The following NEGR1 variants were observed in gnomAD, a reference collection of about 807,000 sequenced individuals.
NEGR1 encodes the protein neuronal growth regulator 1.
In NEGR1, 10 loss-of-function variants were observed where a neutral mutation model predicts 40.9. The observed-to-expected ratio is 0.24, with a 90% CI of 0.15 to 0.42. The LOEUF (loss-of-function observed/expected upper bound fraction) is 0.42, where lower values mean the gene tolerates loss of function less well. NEGR1 is among the 10% of genes least tolerant of loss of function. NEGR1 has a pLI of 1.00. For synonymous variants in NEGR1, 185 were observed against 166.8 expected (o/e 1.11, Z -0.84); for missense variants, 352 against 438.9 (o/e 0.80, Z 1.77).
At chr1:71,915,907 T>G (rs552129950) in intron 2 of NEGR1, among the ~76,000 whole-genome samples, 1 of 152,140 alleles carries the variant, frequency 6.6e-6, no homozygotes, top group East Asian at 1.9e-4. Flanking sequence ...CAGACTATGA[T>G]AGGACCGCCA....
At chr1:71,498,822 G>A (rs1646981755) in intron 6 of NEGR1, among the ~76,000 whole-genome samples, 1 of 152,136 alleles carries the variant, frequency 6.6e-6, no homozygotes, top group Admixed American at 6.5e-5. Context: ...AGACCTGGAG[G>A]TCACTACTTC....
chr1:71,733,056 T>C (rs1020865171), intron 3 of NEGR1, among the ~76,000 whole-genome samples: 3 of 150,360 alleles, frequency 2.0e-5, no homozygotes, highest in African/African-American at 7.4e-5. Context: ...AAGTCAAATA[T>C]GGTCACAGGA....
chr1:71,816,722 T>C (rs1302667004), intron 2 of NEGR1, among the ~76,000 whole-genome samples: 1 of 151,988 alleles, frequency 6.6e-6, no homozygotes, highest in African/African-American at 2.4e-5. Flanking sequence ...AGTAGGAAAT[T>C]GCTCCTGTTC....
intron 2 of NEGR1, among the ~76,000 whole-genome samples, chr1:71,853,547 C>T (rs573781885): frequency 6.6e-6 from 1 of 152,100 alleles, no homozygotes; most frequent in African/African-American, 2.4e-5. Flanking sequence ...AGCTATGTAG[C>T]ACACTAGGGA....
At chr1:71,830,979 C>A (rs548935494) in intron 2 of NEGR1, among the ~76,000 whole-genome samples, 51 of 151,922 alleles carry the variant, frequency 3.4e-4, no homozygotes, top group Middle Eastern at 6.8e-3. Context: ...GATAGGAATT[C>A]TTGGAATATG....
At chr1:71,541,626 G>T (rs1375101962) in intron 6 of NEGR1, among the ~76,000 whole-genome samples, 1 of 151,712 alleles carries the variant, frequency 6.6e-6, no homozygotes, top group African/African-American at 2.4e-5. Flanking sequence ...AAGCCAGGTG[G>T]GTAAGGACAG....
chr1:71,702,726 T>TAAAA (rs5775082), intron 3 of NEGR1, among the ~76,000 whole-genome samples: 4 of 141,846 alleles, frequency 2.8e-5, no homozygotes, highest in South Asian at 2.2e-4. Flanking sequence ...AAAACTTATT[T>TAAAA]AAAAAAAAAA....
chr1:71,511,995 C>T lies in NEGR1; in HGVS notation c.940+80822G>A, dbSNP rs191933104. On this transcript the variant is annotated intron_variant, in intron 6 of 6. Transcript: ENST00000357731. ...AAAACTTAGGCAGATTTGTTAGAAA[C>T]GTGTAAACAGTTAGATATACTGAAA... Among the ~76,000 whole-genome samples the T allele has an allele frequency of 1.9e-4, 29 of 152,078 alleles. No individual in the cohort carries two copies. In the East Asian group the frequency reaches 1.9e-3, roughly 10 times the overall value.
intron 2 of NEGR1, among the ~76,000 whole-genome samples, chr1:71,849,602 T>G (rs1659536346): frequency 6.6e-6 from 1 of 152,188 alleles, no homozygotes. Context: ...AAACAATTTA[T>G]ATTGGCAAAA....
chr1:72,133,149 T>A (rs888580108), intron 1 of NEGR1, among the ~76,000 whole-genome samples: 4 of 152,112 alleles, frequency 2.6e-5, no homozygotes, highest in African/African-American at 9.6e-5. Context: ...TGTAAATCAA[T>A]CCATATCTGC....
At position 71,988,396 on chromosome 1, in the gene NEGR1, G is replaced by A. The variant is rs528110468; in HGVS notation, c.177-53085C>T. On this transcript the variant is annotated intron_variant, in intron 1 of 6. Transcript: ENST00000357731. The stretch of plus-strand genomic sequence containing the variant: ...CTACTAAAAATACAAAAAATTAGCC[G>A]GGCGCGGTGGCGGGCGCCTGTAGTC... Among the ~76,000 whole-genome samples the A allele has an allele frequency of 2.0e-4, 30 of 151,746 alleles. No individual in the cohort carries two copies. In the East Asian group the frequency reaches 2.7e-3, roughly 14 times the overall value.
intron 4 of NEGR1, among the ~76,000 whole-genome samples, chr1:71,691,742 CCTT>C (rs1406853103): frequency 6.6e-6 from 1 of 151,714 alleles, no homozygotes; most frequent in African/African-American, 2.4e-5. Context: ...CAATGCTTAA[CCTT>C]CTTTTCTGTT....
intron 4 of NEGR1, among the ~76,000 whole-genome samples, chr1:71,641,433 C>T (rs185379820): frequency 2.0e-4 from 30 of 152,120 alleles, no homozygotes; most frequent in Non-Finnish European, 3.8e-4. Flanking sequence ...AAAAAACACA[C>T]AAATGCATGA....
intron 1 of NEGR1, among the ~76,000 whole-genome samples, chr1:72,035,653 A>G (rs770217914): frequency 2.6e-5 from 4 of 152,294 alleles, no homozygotes; most frequent in Non-Finnish European, 4.4e-5. Context: ...GGTGAAGCAT[A>G]CTCAGAAAGA....
intron 1 of NEGR1, among the ~76,000 whole-genome samples, chr1:71,954,959 T>C (rs1015470245): frequency 4.6e-5 from 7 of 152,136 alleles, no homozygotes; most frequent in South Asian, 4.1e-4. Flanking sequence ...AGAGTTAATG[T>C]TGATAAATTT....
intron 3 of NEGR1, among the ~76,000 whole-genome samples, chr1:71,730,877 C>CGTGTGT (rs59873481): frequency 2.0e-3 from 266 of 130,046 alleles, no homozygotes; most frequent in African/African-American, 4.8e-3. Context: ...GTGAAGCATT[C>CGTGTGT]GTGTGTGTGT....
At chr1:72,133,997 A>G (rs77844954) in intron 1 of NEGR1, among the ~76,000 whole-genome samples, 7,172 of 151,920 alleles carry the variant, frequency 0.047, 419 homozygotes, top group East Asian at 0.25. Context: ...CTATTGAAAT[A>G]TCATACAGGA....
At chr1:72,120,697 T>TC (rs766287272) in intron 1 of NEGR1, among the ~76,000 whole-genome samples, 18 of 151,928 alleles carry the variant, frequency 1.2e-4, no homozygotes, top group Non-Finnish European at 2.5e-4. Context: ...AGTGTGATAT[T>TC]CCCCTTCCTG....
chr1:72,157,498 G>C (rs1225236951), intron 1 of NEGR1, among the ~76,000 whole-genome samples: 2 of 152,018 alleles, frequency 1.3e-5, no homozygotes, highest in Non-Finnish European at 1.5e-5. Flanking sequence ...ATTTCTTATA[G>C]ACAGATATGT....
Sources: gnomAD v4.1 joint callset for allele counts (sites outside exome capture counted in the v4.1 genomes callset) on GRCh38, gnomAD v4.1.1 for gene constraint, MANE v1.5 for transcripts, NCBI Gene and HGNC (gene_info 2026-07-23, HGNC 2026-07-21) for gene names.